Variants in KPNA3 observed in about 807,000 individuals in gnomAD.
The protein encoded by KPNA3 is importin subunit alpha-4.
In KPNA3, 13 loss-of-function variants were observed where a neutral mutation model predicts 73.8. The observed-to-expected ratio is 0.18, with a 90% CI of 0.11 to 0.28. The LOEUF (loss-of-function observed/expected upper bound fraction) is 0.28, where lower values mean the gene tolerates loss of function less well. KPNA3 is among the 10% of genes least tolerant of loss of function. The probability of loss-of-function intolerance (pLI) is 1.00; values close to 1 mark genes in which losing one functional copy is unlikely to be tolerated. For missense variants in KPNA3, 360 were observed against 618.1 expected, an observed-to-expected ratio of 0.58 and a Z score of 4.43; for synonymous variants, 186 against 206.9, an observed-to-expected ratio of 0.90 and a Z score of 0.87.
intron 6 of KPNA3, among the ~76,000 whole-genome samples, chr13:49,729,432 T>G (rs1460610795): frequency 6.6e-6 from 1 of 151,958 alleles, no homozygotes; most frequent in East Asian, 1.9e-4. Context: ...TTTCAAGATG[T>G]CATGTGGAAA....
intron 1 of KPNA3, among the ~76,000 whole-genome samples, chr13:49,767,077 G>A (rs1477257995): frequency 6.7e-6 from 1 of 149,362 alleles, no homozygotes; most frequent in Non-Finnish European, 1.5e-5. Flanking sequence ...TATGTCCTAA[G>A]AGTTTAAAAT....
At chr13:49,775,286 T>C (rs779069574) in intron 1 of KPNA3, among the ~76,000 whole-genome samples, 1 of 151,298 alleles carries the variant, frequency 6.6e-6, no homozygotes, top group Non-Finnish European at 1.5e-5. Flanking sequence ...TAAGTTAAAA[T>C]AGTGCTTCCC....
At chr13:49,782,167 A>C (rs1012480292) in intron 1 of KPNA3, among the ~76,000 whole-genome samples, 4 of 152,226 alleles carry the variant, frequency 2.6e-5, no homozygotes, top group Admixed American at 2.0e-4. Flanking sequence ...AAGATAGCCA[A>C]TGGCAGAAAA....
chr13:49,716,890 A>G (rs1366112672), intron 10 of KPNA3, among the ~76,000 whole-genome samples: 1 of 152,080 alleles, frequency 6.6e-6, no homozygotes, highest in East Asian at 1.9e-4. Flanking sequence ...GTTTTCATCA[A>G]TCCCTTAAAT....
intron 1 of KPNA3, among the ~76,000 whole-genome samples, chr13:49,768,660 C>A (rs982646389): frequency 1.4e-5 from 2 of 140,384 alleles, no homozygotes; most frequent in African/African-American, 5.3e-5. Context: ...AGATTTCTCA[C>A]TAGGGATCAC....
At chr13:49,736,204 T>C (rs1998363) in intron 2 of KPNA3, among the ~76,000 whole-genome samples, 18,146 of 152,120 alleles carry the variant, frequency 0.12, 2,163 homozygotes, top group East Asian at 0.58. Context: ...TTTAATGAGG[T>C]AGGAAAATAT....
At chr13:49,707,028 C>T (rs780063468) in intron 12 of KPNA3, among the ~76,000 whole-genome samples, 41 of 152,196 alleles carry the variant, frequency 2.7e-4, no homozygotes, top group Non-Finnish European at 4.0e-4. Flanking sequence ...AGATTACAGG[C>T]ATGAGCCACC....
At chr13:49,737,443 G>A (rs529423502) in intron 2 of KPNA3, among the ~76,000 whole-genome samples, 2 of 152,258 alleles carry the variant, frequency 1.3e-5, no homozygotes, top group African/African-American at 4.8e-5. Flanking sequence ...AGCTAACGAT[G>A]CTGAACATCT....
intron 1 of KPNA3, among the ~76,000 whole-genome samples, chr13:49,781,189 C>A (rs545974014): frequency 1.3e-5 from 2 of 152,190 alleles, no homozygotes; most frequent in Non-Finnish European, 2.9e-5. Flanking sequence ...GTGATTCTTT[C>A]CCCATGTGCC....
chr13:49,744,491 CATT>C (rs1421269096), intron 2 of KPNA3, among the ~76,000 whole-genome samples: 6 of 152,052 alleles, frequency 3.9e-5, no homozygotes, highest in Non-Finnish European at 8.8e-5. Context: ...ATAATTCTAT[CATT>C]AGTTGTTAAT....
At chr13:49,752,159 C>T (rs1954668357) in intron 1 of KPNA3, among the ~76,000 whole-genome samples, 2 of 152,152 alleles carry the variant, frequency 1.3e-5, no homozygotes, top group South Asian at 2.1e-4. Context: ...TTGCACACAT[C>T]AACATTGTTA....
chr13:49,760,567 G>C (rs146032111), intron 1 of KPNA3, among the ~76,000 whole-genome samples: 1 of 152,088 alleles, frequency 6.6e-6, no homozygotes, highest in Non-Finnish European at 1.5e-5. Context: ...TCAATCAATC[G>C]CAATGTGTGG....
At chr13:49,769,048 C>T (rs936273348) in intron 1 of KPNA3, among the ~76,000 whole-genome samples, 6 of 152,160 alleles carry the variant, frequency 3.9e-5, no homozygotes, top group Non-Finnish European at 7.3e-5. Context: ...TAAGAATAGG[C>T]TCTCCTCCAG....
At chr13:49,742,006 C>T (rs371692457) in intron 2 of KPNA3, among the ~76,000 whole-genome samples, 21 of 152,264 alleles carry the variant, frequency 1.4e-4, no homozygotes, top group African/African-American at 5.1e-4. Context: ...TGTTTTCTTC[C>T]AGTAGTTTTA....
At chr13:49,744,259 A>C (rs1954597837) in intron 2 of KPNA3, among the ~76,000 whole-genome samples, 1 of 152,186 alleles carries the variant, frequency 6.6e-6, no homozygotes, top group Non-Finnish European at 1.5e-5. Flanking sequence ...GACTGGAAAA[A>C]ACACCTTACT....
At chr13:49,732,345 G>T in intron 6 of KPNA3, 26 bp downstream of exon 6, 1 of 1,219,434 alleles carries the variant, frequency 8.2e-7, no homozygotes, top group South Asian at 1.4e-5. Context: ...GAAAAAAACT[G>T]AATAGGGAGT....
intron 8 of KPNA3, 115 bp from the exon 9 acceptor site, chr13:49,722,239 CA>C: frequency 5.2e-6 from 4 of 772,430 alleles, no homozygotes; most frequent in Non-Finnish European, 8.0e-6. Context: ...CACCATTAGT[CA>C]AAGGCATCAA....
At chr13:49,722,242 A>T (rs1954366843) in intron 8 of KPNA3, 118 bp from the exon 9 acceptor site, 1 of 765,166 alleles carries the variant, frequency 1.3e-6, no homozygotes, top group African/African-American at 1.8e-5. Context: ...CATTAGTCAA[A>T]GGCATCAAGT....
At chr13:49,741,773 T>A (rs927317440) in intron 2 of KPNA3, among the ~76,000 whole-genome samples, 1 of 152,212 alleles carries the variant, frequency 6.6e-6, no homozygotes, top group African/African-American at 2.4e-5. Context: ...TTTTTAATTG[T>A]TAGTTTTCTT....
Sources: gnomAD v4.1 joint callset for allele counts (sites outside exome capture counted in the v4.1 genomes callset) on GRCh38, gnomAD v4.1.1 for gene constraint, MANE v1.5 for transcripts, NCBI Gene and HGNC (gene_info 2026-07-23, HGNC 2026-07-21) for gene names.